The following ADAM12 variants were observed in gnomAD, a reference collection of about 807,000 sequenced individuals.
ADAM12 encodes ADAM metallopeptidase domain 12.
Under a neutral mutation model 106.4 loss-of-function variants are expected in ADAM12, and 70 were observed. The observed-to-expected ratio is 0.66, with a 90% CI of 0.54 to 0.80. The LOEUF (loss-of-function observed/expected upper bound fraction) is 0.80. Among genes scored for constraint, ADAM12 ranks in the 30% least tolerant of loss-of-function variants. ADAM12 has a pLI of 0.00. For synonymous variants in ADAM12, 420 were observed against 433.5 expected, an observed-to-expected ratio of 0.97 and a Z score of 0.39; for missense variants, 1,010 against 1,171.9, an observed-to-expected ratio of 0.86 and a Z score of 2.02.
chr10:126,069,710 GTGGCAGTAGCTGTGGAGA>G (rs1360496033), intron 12 of ADAM12, among the ~76,000 whole-genome samples: 16 of 152,338 alleles, frequency 1.1e-4, no homozygotes, highest in African/African-American at 3.8e-4. Context: ...GGCCACGGTG[GTGGCAGTAGCTGTGGAGA>G]TGGCAGTGGT....
chr10:126,063,250 C>T (rs576464404), intron 14 of ADAM12, among the ~76,000 whole-genome samples: 7 of 152,296 alleles, frequency 4.6e-5, no homozygotes, highest in South Asian at 4.1e-4. Flanking sequence ...AAGAGGCCTG[C>T]GCTCGTCCCT....
rs1956792680 is a variant in ADAM12 at position 126,155,238 on chromosome 10, G to C, written c.328C>G (p.Arg110Gly). 6.2e-7 allele frequency: 1 copy of C among 1,614,074 alleles called. No homozygotes were observed. The highest frequency in any genetic ancestry group is 1.1e-5 in the South Asian group (1 of 91,070). ...CGTGCCAGAATTACCGTGTAATTTCGAGCGAGGGAGACATCAGTACCGTCT... is the reference window on the plus strand; with the variant it reads ...CGTGCCAGAATTACCGTGTAATTTCCAGCGAGGGAGACATCAGTACCGTCT... ...LQDGTDVSLA[R>G]NYTGHCYYHG... The change falls in exon 4 of 23, where the codon CGA becomes GGA. Residue 110 changes from arginine (R) to glycine (G), a missense_variant. Arg to Gly is a moderately radical substitution (Grantham distance 125). Around this residue, in one of 3 missense-constraint regions of ADAM12, gnomAD observed 391 missense variants for 442.9 expected, o/e 0.88. Transcript: ENST00000448723.
rs547476154 is a variant in ADAM12, at chr10:126,282,042, T to C, written c.187-3054A>G. ...GGCTGTCATAACACACACCAGAGAC[T>C]GTGTGGCTTAAACAACAGAAATTTA... On this transcript the variant is annotated intron_variant, in intron 2 of 22. Transcript: ENST00000448723. 4.6e-5 allele frequency among the ~76,000 whole-genome samples: 7 copies of C among 152,330 alleles called. No individual in the cohort carries two copies. The East Asian group carries it at 1.3e-3, about 29-fold the overall frequency.
At position 126,340,713 on chromosome 10, in the gene ADAM12, G is replaced by A. The variant is rs557253817; in HGVS notation, c.89-10204C>T. 3.1e-4 allele frequency among the ~76,000 whole-genome samples: 46 copies of A among 147,602 alleles called. 1 individual carries two copies. Among genetic ancestry groups the A allele is most frequent in the South Asian group, 2.6e-3 (12 of 4,554 alleles). ...ATAGTGCTCAGCTATGTCCTACCTC[G>A]TGGCCTGTTTTTTTTTTTTTTTGAG... On this transcript the variant is annotated intron_variant, in intron 1 of 22. Transcript: ENST00000448723.
intron 2 of ADAM12, among the ~76,000 whole-genome samples, chr10:126,285,351 G>A (rs900548921): frequency 2.6e-5 from 4 of 152,166 alleles, no homozygotes; most frequent in African/African-American, 7.2e-5. Flanking sequence ...CAAGTGAATC[G>A]ATATATTTTT....
At chr10:126,187,508 A>G (rs1232832787) in intron 3 of ADAM12, among the ~76,000 whole-genome samples, 3 of 152,128 alleles carry the variant, frequency 2.0e-5, no homozygotes, top group Non-Finnish European at 2.9e-5. Context: ...TGTAGGCAGA[A>G]GGCTCAGGTC....
chr10:126,287,812 G>T (rs957609934), intron 2 of ADAM12, among the ~76,000 whole-genome samples: 4 of 152,052 alleles, frequency 2.6e-5, no homozygotes, highest in Non-Finnish European at 5.9e-5. Context: ...TCCTAGCAAA[G>T]TTCCTCATTT....
intron 3 of ADAM12, among the ~76,000 whole-genome samples, chr10:126,182,618 G>A (rs149626935): frequency 5.4e-4 from 83 of 152,330 alleles, no homozygotes; most frequent in African/African-American, 1.9e-3. Context: ...GAGAGCCTGT[G>A]CCAGGATGTG....
chr10:126,055,233 T>C (rs575378746), intron 14 of ADAM12, among the ~76,000 whole-genome samples: 9 of 152,328 alleles, frequency 5.9e-5, no homozygotes, highest in African/African-American at 2.2e-4. Context: ...GGAACCCTCC[T>C]GGCCTGGGCT....
intron 3 of ADAM12, among the ~76,000 whole-genome samples, chr10:126,191,662 C>T (rs1474761886): frequency 3.9e-5 from 6 of 152,032 alleles, no homozygotes. Context: ...GGTTAGTTGA[C>T]AAAGATAATT....
At chr10:126,131,921 A>G (rs1590467325) in intron 5 of ADAM12, among the ~76,000 whole-genome samples, 1 of 152,150 alleles carries the variant, frequency 6.6e-6, no homozygotes, top group East Asian at 1.9e-4. Context: ...TAGATTTTTC[A>G]GTAGCATAAG....
intron 5 of ADAM12, among the ~76,000 whole-genome samples, chr10:126,129,850 T>C (rs1956272334): frequency 6.6e-6 from 1 of 152,238 alleles, no homozygotes; most frequent in African/African-American, 2.4e-5. Flanking sequence ...TGTCCCTTTC[T>C]ACTGAGATCT....
chr10:126,147,992 T>G (rs1350094927), intron 4 of ADAM12, among the ~76,000 whole-genome samples: 1 of 152,192 alleles, frequency 6.6e-6, no homozygotes, highest in Non-Finnish European at 1.5e-5. Context: ...CAGAGCTGTC[T>G]TTTGGCATGT....
chr10:126,180,885 A>G (rs1957300511), intron 3 of ADAM12, among the ~76,000 whole-genome samples: 1 of 152,206 alleles, frequency 6.6e-6, no homozygotes, highest in Non-Finnish European at 1.5e-5. Context: ...TCATTATTTA[A>G]CAATCAGCCA....
chr10:126,061,236 AT>A (rs2133470256), intron 14 of ADAM12, among the ~76,000 whole-genome samples: 1 of 152,274 alleles, frequency 6.6e-6, no homozygotes, highest in South Asian at 2.1e-4. Context: ...GCTGCATCTT[AT>A]TTATAGAGTT....
intron 1 of ADAM12, among the ~76,000 whole-genome samples, chr10:126,337,593 G>A (rs1380654746): frequency 6.6e-6 from 1 of 152,176 alleles, no homozygotes; most frequent in Admixed American, 6.5e-5. Context: ...GGGAAAGGGC[G>A]GGTCTTCCTC....
chr10:126,111,229 A>G (rs1228901486), intron 6 of ADAM12, among the ~76,000 whole-genome samples: 1 of 152,206 alleles, frequency 6.6e-6, no homozygotes, highest in Non-Finnish European at 1.5e-5. Context: ...GAAAGGTACA[A>G]TTTCTCATAT....
At chr10:126,230,950 T>C (rs1958297900) in intron 3 of ADAM12, among the ~76,000 whole-genome samples, 1 of 152,208 alleles carries the variant, frequency 6.6e-6, no homozygotes, top group Non-Finnish European at 1.5e-5. Context: ...TCTAAGGGAA[T>C]TGTGTCCTAT....
At chr10:126,172,490 C>A (rs866581536) in intron 3 of ADAM12, among the ~76,000 whole-genome samples, 83 of 152,196 alleles carry the variant, frequency 5.5e-4, no homozygotes, top group African/African-American at 1.8e-3. Flanking sequence ...ATGTTGCCAA[C>A]AAACATACAA....
Sources: gnomAD v4.1 joint callset for allele counts (sites outside exome capture counted in the v4.1 genomes callset) on GRCh38, gnomAD v4.1.1 for gene constraint, gnomAD v4.1.1 regional missense constraint, MANE v1.5 for transcripts, NCBI Gene and HGNC (gene_info 2026-07-23, HGNC 2026-07-21) for gene names.